The following PIEZO2 variants were observed in gnomAD, a reference collection of about 807,000 sequenced individuals.
PIEZO2 encodes the protein piezo-type mechanosensitive ion channel component 2.
A neutral mutation model predicts 337.3 loss-of-function variants in PIEZO2; 172 were observed. That is an observed-to-expected ratio of 0.51 (90% CI 0.45 to 0.58). The LOEUF (loss-of-function observed/expected upper bound fraction) is 0.58, where lower values mean the gene tolerates loss of function less well. Ranked by LOEUF, PIEZO2 falls within the 20% of genes least tolerant of loss-of-function variation. The pLI is 0.00. For synonymous variants in PIEZO2, 1,251 were observed against 1,228.5 expected (o/e 1.02, Z -0.38); for missense variants, 3,028 against 3,391.3 (o/e 0.89, Z 2.66).
In PIEZO2 at chr18:11,143,334, T is replaced by C. The variant is rs894931240; in HGVS notation, c.64+5191A>G. ...CAAAAAAGCATATTATACACATCAT[T>C]ACTACATAACTTCACATACAATTCA... is the stretch of plus-strand genomic sequence containing the variant. On this transcript the variant is annotated intron_variant, in intron 1 of 55. Coordinates refer to ENST00000674853, the MANE Select transcript of PIEZO2 (RefSeq NM_001378183.1). The surrounding 1 kb of genome is among the most constrained non-coding windows in gnomAD (Gnocchi z 4.9). Among the ~76,000 whole-genome samples, 1 of 152,200 alleles carries C rather than the reference T, an allele frequency of 6.6e-6. No individual in the cohort carries two copies. The highest frequency in any genetic ancestry group is 2.4e-5 in the African/African-American group (1 of 41,458).
chr18:10,689,559 A>G (rs2034706043), intron 49 of PIEZO2, 96 bp downstream of exon 49: 8 of 1,547,562 alleles, frequency 5.2e-6, no homozygotes, highest in Admixed American at 1.7e-5. Flanking sequence ...TTTTTGCCTC[A>G]TGCCTTCATT....
chr18:10,883,540 A>C (rs2042484545), intron 4 of PIEZO2, among the ~76,000 whole-genome samples: 1 of 152,240 alleles, frequency 6.6e-6, no homozygotes, highest in African/African-American at 2.4e-5. Context: ...TTAGAGAAAT[A>C]CATTATGGAA....
At chr18:11,098,832 C>G (rs939968813) in intron 1 of PIEZO2, among the ~76,000 whole-genome samples, 4 of 151,946 alleles carry the variant, frequency 2.6e-5, no homozygotes, top group Non-Finnish European at 5.9e-5. Context: ...GGGTCTTACT[C>G]TGTCACCCAG....
rs755758164 is a variant in PIEZO2 at position 11,035,071 on chromosome 18, A to G, written c.160+31056T>C. 6.6e-6 allele frequency among the ~76,000 whole-genome samples: 1 copy of G among 152,144 alleles called. No homozygotes were observed. The highest frequency in any genetic ancestry group is 1.5e-5 in the Non-Finnish European group (1 of 68,012). Reference sequence around the variant, plus strand: ...CAGTTCCCAAATGCATGGCAAGCTCATTCACTTTCGAAATCAATTTATTAC... The same window carrying G: ...CAGTTCCCAAATGCATGGCAAGCTCGTTCACTTTCGAAATCAATTTATTAC... On this transcript the variant is annotated intron_variant, in intron 2 of 55. Coordinates refer to ENST00000674853, the MANE Select transcript of PIEZO2 (RefSeq NM_001378183.1). This position sits in a 1 kb window ranked among gnomAD's most constrained non-coding sequence, Gnocchi z 4.3.
chr18:10,722,979 T>G (rs1334878223), intron 36 of PIEZO2, among the ~76,000 whole-genome samples: 4 of 148,822 alleles, frequency 2.7e-5, no homozygotes, highest in Non-Finnish European at 4.5e-5. Context: ...TTTTTTTTTT[T>G]TTTTTGAGAC....
At chr18:10,938,434 C>A (rs2032522658) in intron 3 of PIEZO2, among the ~76,000 whole-genome samples, 1 of 152,134 alleles carries the variant, frequency 6.6e-6, no homozygotes, top group Non-Finnish European at 1.5e-5. Flanking sequence ...TGACTTCTGC[C>A]AAAAATCCGG....
intron 1 of PIEZO2, among the ~76,000 whole-genome samples, chr18:11,147,699 TGAG>T (rs1349071259): frequency 5.3e-5 from 8 of 152,214 alleles, no homozygotes; most frequent in Non-Finnish European, 4.4e-5. Context: ...ACTGCCTGTT[TGAG>T]GAGAAGATCA....
At position 10,855,649 on chromosome 18, in the gene PIEZO2, T is replaced by C; in HGVS notation, c.704-83A>G. 2.7e-6 allele frequency: 3 copies of C among 1,116,830 alleles called. No individual in the cohort carries two copies. Among genetic ancestry groups the C allele is most frequent in the South Asian group, 1.6e-5 (1 of 62,744 alleles). 69.2% of individuals were successfully genotyped at this position (1,116,830 alleles called of 1,614,324 possible). ...CAGTGAATGTGACTATTTGAAATTA[T>C]GTGAATTTCCTTCAAGTGTTTTTAG... On this transcript the variant is annotated intron_variant, in intron 6 of 55. Coordinates refer to ENST00000674853, the MANE Select transcript of PIEZO2 (RefSeq NM_001378183.1). The surrounding 1 kb of genome is among the most constrained non-coding windows in gnomAD (Gnocchi z 4.9).
chr18:11,058,426 A>G (rs1186652969), intron 2 of PIEZO2, among the ~76,000 whole-genome samples: 1 of 152,254 alleles, frequency 6.6e-6, no homozygotes, highest in African/African-American at 2.4e-5. Flanking sequence ...CTGGACGGAG[A>G]ATGATTTTGA....
chr18:10,867,862 A>G (rs550878393), intron 5 of PIEZO2, among the ~76,000 whole-genome samples: 1 of 152,360 alleles, frequency 6.6e-6, no homozygotes, highest in East Asian at 1.9e-4. Flanking sequence ...TGATTTGTAG[A>G]TCTGCTTCTG....
intron 27 of PIEZO2, among the ~76,000 whole-genome samples, chr18:10,753,873 A>G (rs1276970963): frequency 6.6e-6 from 1 of 152,202 alleles, no homozygotes; most frequent in Admixed American, 6.5e-5. Flanking sequence ...TTTCTAAAAT[A>G]CATAAAACCC....
intron 3 of PIEZO2, among the ~76,000 whole-genome samples, chr18:10,936,511 G>T (rs1050593579): frequency 2.0e-5 from 3 of 152,114 alleles, no homozygotes; most frequent in African/African-American, 7.2e-5. Flanking sequence ...CAGGGCTACC[G>T]ATGCGAAAAT....
intron 1 of PIEZO2, among the ~76,000 whole-genome samples, chr18:11,115,089 T>C (rs1355455824): frequency 4.6e-5 from 7 of 152,246 alleles, no homozygotes; most frequent in African/African-American, 1.2e-4. Flanking sequence ...TTCTATGTAA[T>C]ATTAAAGGGC....
At chr18:10,756,445 G>A (rs563888539) in intron 27 of PIEZO2, among the ~76,000 whole-genome samples, 215 of 143,656 alleles carry the variant, frequency 1.5e-3, no homozygotes, top group African/African-American at 5.2e-3. Context: ...AGGAGGAGGG[G>A]TGGTGATGAA....
rs1456850674 is a variant in PIEZO2 at position 10,698,925 on chromosome 18, C to G, written c.6694G>C (p.Gly2232Arg). 1.3e-6 allele frequency: 2 copies of G among 1,536,222 alleles called. No homozygotes were observed. Among genetic ancestry groups the G allele is most frequent in the South Asian group, 1.2e-5 (1 of 84,040 alleles). Reference sequence around the variant, plus strand: ...CTAGATATATTGTGTCGACAGATACCTCTTTGGGATCTGTTTGAAGAAAAG... The same window carrying G: ...CTAGATATATTGTGTCGACAGATACGTCTTTGGGATCTGTTTGAAGAAAAG... The part of the protein sequence containing the change: ...SSFSSNRSQR[G>R]STSTRNSSQK... Residue 2232 changes from glycine (G) to arginine (R), a missense_variant and splice_region_variant, in exon 44 of 56, where the codon GGC becomes CGC. Gly to Arg is a moderately radical substitution (Grantham distance 125). This residue lies in a region of PIEZO2 where 1,925 missense variants were observed against 2,051.9 expected (regional missense o/e 0.94). Coordinates refer to ENST00000674853, the MANE Select transcript of PIEZO2 (RefSeq NM_001378183.1).
At chr18:10,912,054 A>T (rs2030530220) in intron 3 of PIEZO2, among the ~76,000 whole-genome samples, 4 of 152,088 alleles carry the variant, frequency 2.6e-5, no homozygotes, top group Admixed American at 2.6e-4. Flanking sequence ...GAATTCACAT[A>T]TTCTTTTTTT....
intron 3 of PIEZO2, among the ~76,000 whole-genome samples, chr18:10,916,361 G>A (rs1162597878): frequency 2.0e-5 from 3 of 152,150 alleles, no homozygotes; most frequent in East Asian, 1.9e-4. Flanking sequence ...GGGGAGGCTC[G>A]GGCCTGTGCT....
chr18:10,975,084 T>A (rs2034392170), intron 3 of PIEZO2, among the ~76,000 whole-genome samples: 1 of 152,210 alleles, frequency 6.6e-6, no homozygotes, highest in Non-Finnish European at 1.5e-5. Context: ...AGTCATTAAT[T>A]GAAAAAGGAA....
At chr18:11,108,978 G>T (rs1598972807) in intron 1 of PIEZO2, among the ~76,000 whole-genome samples, 1 of 152,292 alleles carries the variant, frequency 6.6e-6, no homozygotes, top group East Asian at 1.9e-4. Flanking sequence ...ATCTTTCCTT[G>T]GGCAGAACTT....
Sources: gnomAD v4.1 joint callset for allele counts (sites outside exome capture counted in the v4.1 genomes callset) on GRCh38, gnomAD v4.1.1 for gene constraint, gnomAD v4.1.1 regional missense constraint, Gnocchi (gnomAD v3.1) non-coding constraint, MANE v1.5 for transcripts, NCBI Gene and HGNC (gene_info 2026-07-23, HGNC 2026-07-21) for gene names.